CNTNAP2: variants seen among roughly 807,000 people sequenced by gnomAD.
CNTNAP2 encodes the protein contactin associated protein 2, also known as contactin-associated protein-like 2.
A neutral mutation model predicts 155.2 loss-of-function variants in CNTNAP2; 98 were observed. The observed-to-expected ratio is 0.63, with a 90% confidence interval of 0.54 to 0.75. The LOEUF is 0.75. Among genes scored for constraint, CNTNAP2 ranks in the 30% least tolerant of loss-of-function variants. The pLI is 0.00. For synonymous variants in CNTNAP2, 651 were observed against 631.2 expected (o/e 1.03, Z -0.47); for missense variants, 1,727 against 1,688.1 (o/e 1.02, Z -0.40).
intron 3 of CNTNAP2, among the ~76,000 whole-genome samples, chr7:146,992,468 AAAT>A (rs1798226215): frequency 6.6e-6 from 1 of 152,144 alleles, no homozygotes; most frequent in Non-Finnish European, 1.5e-5. Flanking sequence ...GGGTAAAAAC[AAAT>A]AAAAAGGAAC....
intron 1 of CNTNAP2, among the ~76,000 whole-genome samples, chr7:146,272,666 G>A (rs1800100554): frequency 6.6e-6 from 1 of 152,054 alleles, no homozygotes; most frequent in African/African-American, 2.4e-5. Context: ...GTGTGTGTGT[G>A]TGTATGTGCA....
chr7:146,984,360 C>A (rs1168211178), intron 3 of CNTNAP2, among the ~76,000 whole-genome samples: 52 of 139,278 alleles, frequency 3.7e-4, no homozygotes, highest in African/African-American at 1.3e-3. Flanking sequence ...AGAGCAAAAC[C>A]CCATCTCAAA....
intron 1 of CNTNAP2, among the ~76,000 whole-genome samples, chr7:146,210,365 A>T (rs1799014350): frequency 6.6e-6 from 1 of 152,118 alleles, no homozygotes; most frequent in African/African-American, 2.4e-5. Context: ...AGAGATACTA[A>T]AATGGTGTAT....
At chr7:146,884,600 C>T (rs1460779346) in intron 3 of CNTNAP2, among the ~76,000 whole-genome samples, 1 of 152,054 alleles carries the variant, frequency 6.6e-6, no homozygotes, top group Admixed American at 6.6e-5. Context: ...AGGTCCCATA[C>T]ATATGGGATT....
intron 18 of CNTNAP2, among the ~76,000 whole-genome samples, chr7:148,179,543 G>A: frequency 7.2e-6 from 1 of 139,620 alleles, no homozygotes; most frequent in African/African-American, 3.0e-5. Flanking sequence ...GAGGGAGTGA[G>A]AGAGGGAGAG....
intron 1 of CNTNAP2, among the ~76,000 whole-genome samples, chr7:146,415,616 G>A (rs187876601): frequency 3.9e-4 from 54 of 140,120 alleles, no homozygotes; most frequent in African/African-American, 1.4e-3. Context: ...GACCCACATA[G>A]TTTAAGAAAC....
chr7:146,765,747 G>C (rs1802183306), intron 1 of CNTNAP2, among the ~76,000 whole-genome samples: 1 of 152,202 alleles, frequency 6.6e-6, no homozygotes. Flanking sequence ...ATGTCTCAAT[G>C]AAGACAGAAA....
chr7:147,783,830 C>T (rs1391119520), intron 13 of CNTNAP2, among the ~76,000 whole-genome samples: 2 of 152,126 alleles, frequency 1.3e-5, no homozygotes, highest in African/African-American at 4.8e-5. Context: ...AGTAAGCATG[C>T]CTTCACCAGA....
At chr7:147,627,563 G>A (rs1179788039) in intron 12 of CNTNAP2, among the ~76,000 whole-genome samples, 4 of 151,610 alleles carry the variant, frequency 2.6e-5, no homozygotes, top group Admixed American at 1.3e-4. Flanking sequence ...TGTGTGGTGG[G>A]CACCTGTAAT....
intron 15 of CNTNAP2, among the ~76,000 whole-genome samples, chr7:148,038,817 T>G (rs1802617241): frequency 7.0e-6 from 1 of 142,808 alleles, no homozygotes. Context: ...AGCAATAGGA[T>G]GGATGGATAG....
At chr7:147,608,068 G>A (rs1259178104) in intron 12 of CNTNAP2, among the ~76,000 whole-genome samples, 2 of 151,756 alleles carry the variant, frequency 1.3e-5, no homozygotes, top group African/African-American at 2.4e-5. Flanking sequence ...TCATCTTCAC[G>A]TGCTTAAGGC....
chr7:147,939,148 G>T (rs574145051), intron 14 of CNTNAP2, among the ~76,000 whole-genome samples: 2 of 152,164 alleles, frequency 1.3e-5, no homozygotes, highest in East Asian at 3.9e-4. Flanking sequence ...TTGATAAAAA[G>T]ATGTTCGCAT....
intron 12 of CNTNAP2, among the ~76,000 whole-genome samples, chr7:147,637,792 T>G (rs1795206650): frequency 6.6e-6 from 1 of 152,178 alleles, no homozygotes; most frequent in Non-Finnish European, 1.5e-5. Flanking sequence ...CATCCAAAGG[T>G]GCATCATGTG....
chr7:147,285,793 C>T (rs896002405), intron 8 of CNTNAP2, among the ~76,000 whole-genome samples: 10 of 151,872 alleles, frequency 6.6e-5, no homozygotes, highest in African/African-American at 1.9e-4. Context: ...GCCTTGAAGA[C>T]GGGACCAATA....
intron 13 of CNTNAP2, among the ~76,000 whole-genome samples, chr7:147,664,726 T>C (rs1218409343): frequency 6.6e-6 from 1 of 152,136 alleles, no homozygotes; most frequent in African/African-American, 2.4e-5. Context: ...AAAATCCTTA[T>C]CTTGACTTTA....
At chr7:147,576,478 A>G (rs1291125555) in intron 12 of CNTNAP2, among the ~76,000 whole-genome samples, 1 of 152,100 alleles carries the variant, frequency 6.6e-6, no homozygotes, top group African/African-American at 2.4e-5. Context: ...TTTACAGTAA[A>G]TATGAAAATA....
intron 13 of CNTNAP2, among the ~76,000 whole-genome samples, chr7:147,800,036 C>G (rs1417329861): frequency 6.6e-6 from 1 of 152,086 alleles, no homozygotes; most frequent in Admixed American, 6.5e-5. Flanking sequence ...ATTCTTCACA[C>G]AATAAATATA....
At chr7:146,365,696 A>AT in intron 1 of CNTNAP2, among the ~76,000 whole-genome samples, 1 of 152,238 alleles carries the variant, frequency 6.6e-6, no homozygotes, top group Non-Finnish European at 1.5e-5. Flanking sequence ...GAACTATAAT[A>AT]TGGCAATGAG....
At chr7:147,886,468 T>C in intron 13 of CNTNAP2, among the ~76,000 whole-genome samples, 2 of 68,668 alleles carry the variant, frequency 2.9e-5, no homozygotes, top group Non-Finnish European at 4.6e-5. Context: ...AGAGGGAAAC[T>C]CCATCTCAAA....
Sources: gnomAD v4.1 joint callset for allele counts (sites outside exome capture counted in the v4.1 genomes callset) on GRCh38, gnomAD v4.1.1 for gene constraint, MANE v1.5 for transcripts, NCBI Gene and HGNC (gene_info 2026-07-23, HGNC 2026-07-21) for gene names.